Variants in KCNMA1 observed in about 807,000 individuals in gnomAD.
KCNMA1 encodes potassium calcium-activated channel subfamily M alpha 1.
A neutral mutation model predicts 140.0 loss-of-function variants in KCNMA1; 29 were observed. That is an observed-to-expected ratio of 0.21 (90% CI 0.15 to 0.28). The LOEUF (loss-of-function observed/expected upper bound fraction) is 0.28, where lower values mean the gene tolerates loss of function less well. KCNMA1 is among the 10% of genes least tolerant of loss of function. The pLI, the probability that KCNMA1 is intolerant of heterozygous loss-of-function variation, is 1.00. For missense variants in KCNMA1, 880 were observed against 1,602.2 expected (o/e 0.55, Z 7.70); for synonymous variants, 612 against 611.9 (o/e 1.00, Z 0.00).
chr10:77,235,413 G>T (rs747424894), intron 3 of KCNMA1, among the ~76,000 whole-genome samples: 1 of 152,204 alleles, frequency 6.6e-6, no homozygotes, highest in Middle Eastern at 3.4e-3. Context: ...AAGTTGTCAC[G>T]GGCACACAGA....
At chr10:77,304,040 T>C (rs1365252475) in intron 2 of KCNMA1, among the ~76,000 whole-genome samples, 1 of 152,184 alleles carries the variant, frequency 6.6e-6, no homozygotes. Context: ...CAAACATGGA[T>C]ACTGCAGGCC....
At chr10:77,086,994 G>T (rs1181538564) in intron 10 of KCNMA1, among the ~76,000 whole-genome samples, 1 of 152,212 alleles carries the variant, frequency 6.6e-6, no homozygotes, top group African/African-American at 2.4e-5. Context: ...AGAGTCTCTG[G>T]ATGAGAATGG....
At chr10:77,184,946 G>C in intron 3 of KCNMA1, 30 bp from the exon 4 acceptor site, 1 of 1,326,686 alleles carries the variant, frequency 7.5e-7, no homozygotes, top group Non-Finnish European at 1.1e-6. Flanking sequence ...AAAAGCAAGA[G>C]GTAAATGACA....
intron 2 of KCNMA1, among the ~76,000 whole-genome samples, chr10:77,345,277 AGTTGAGG>A (rs1210653978): frequency 6.6e-6 from 1 of 152,190 alleles, no homozygotes; most frequent in Non-Finnish European, 1.5e-5. Context: ...CACATTATTC[AGTTGAGG>A]GTAGTCCCAT....
intron 25 of KCNMA1, among the ~76,000 whole-genome samples, chr10:76,900,365 C>G (rs185925303): frequency 6.6e-6 from 1 of 151,994 alleles, no homozygotes; most frequent in African/African-American, 2.4e-5. Context: ...AAAAATAATG[C>G]ATACCTGAAC....
intron 1 of KCNMA1, among the ~76,000 whole-genome samples, chr10:77,533,613 C>T (rs548748441): frequency 6.6e-6 from 1 of 152,126 alleles, no homozygotes; most frequent in Non-Finnish European, 1.5e-5. Context: ...GCCCCTCCCC[C>T]ACCTCCATCA....
At chr10:77,063,727 T>C (rs1232982661) in intron 14 of KCNMA1, 1 of 985,168 alleles carries the variant, frequency 1.0e-6, no homozygotes, top group African/African-American at 1.7e-5. Flanking sequence ...TTTGCGATTT[T>C]CATGTAACAA....
At chr10:77,509,101 T>TG (rs2047368959) in intron 1 of KCNMA1, among the ~76,000 whole-genome samples, 6 of 119,034 alleles carry the variant, frequency 5.0e-5, no homozygotes, top group African/African-American at 1.8e-4. Context: ...TTTGTTGGGT[T>TG]TTGTTGTTGT....
At chr10:77,398,072 G>A (rs562208576) in intron 2 of KCNMA1, among the ~76,000 whole-genome samples, 1 of 151,156 alleles carries the variant, frequency 6.6e-6, no homozygotes, top group Non-Finnish European at 1.5e-5. Flanking sequence ...GTGTGTGTGT[G>A]TGTGTGTATT....
downstream of KCNMA1, chr10:76,873,383 C>T (rs2031752318): frequency 6.6e-6 from 1 of 152,122 alleles, no homozygotes; most frequent in Admixed American, 6.5e-5. Context: ...GCGTCATCAC[C>T]TCCTCAAATG....
intron 15 of KCNMA1, 67 bp from the exon 16 acceptor site, chr10:77,027,958 A>G: frequency 2.2e-6 from 3 of 1,351,902 alleles, no homozygotes; most frequent in East Asian, 2.3e-5. Context: ...AACACACACT[A>G]TTACGATCTT....
At chr10:77,104,045 C>T (rs1216601766) in intron 9 of KCNMA1, among the ~76,000 whole-genome samples, 1 of 152,186 alleles carries the variant, frequency 6.6e-6, no homozygotes, top group South Asian at 2.1e-4. Context: ...CAAACCCCAG[C>T]CCAACTCTTT....
chr10:77,584,077 G>A (rs1240000727), intron 1 of KCNMA1, among the ~76,000 whole-genome samples: 1 of 152,184 alleles, frequency 6.6e-6, no homozygotes, highest in African/African-American at 2.4e-5. Context: ...CTGATTTGGT[G>A]GCAATTTGTT....
At chr10:76,917,512 G>A (rs556282827) in intron 23 of KCNMA1, among the ~76,000 whole-genome samples, 1 of 152,232 alleles carries the variant, frequency 6.6e-6, no homozygotes, top group South Asian at 2.1e-4. Context: ...GAAATGACAT[G>A]CTTGCTTCAT....
chr10:77,081,168 T>C (rs2096556140), intron 12 of KCNMA1, among the ~76,000 whole-genome samples: 1 of 152,138 alleles, frequency 6.6e-6, no homozygotes, highest in South Asian at 2.1e-4. Flanking sequence ...TGGGTTCCAG[T>C]CACAGCTATT....
At chr10:77,300,890 C>T (rs1437444241) in intron 2 of KCNMA1, among the ~76,000 whole-genome samples, 1 of 152,214 alleles carries the variant, frequency 6.6e-6, no homozygotes, top group Non-Finnish European at 1.5e-5. Context: ...TGGTTCTGAG[C>T]CCGAGCTGCT....
chr10:77,597,351 C>G (rs2081239651), intron 1 of KCNMA1, among the ~76,000 whole-genome samples: 1 of 151,978 alleles, frequency 6.6e-6, no homozygotes, highest in Non-Finnish European at 1.5e-5. Context: ...TTCAAAGTAG[C>G]TAGAAGAGAA....
chr10:76,972,018 C>T (rs73284523), intron 19 of KCNMA1, among the ~76,000 whole-genome samples: 2,766 of 151,924 alleles, frequency 0.018, 40 homozygotes, highest in African/African-American at 0.035. Flanking sequence ...TTCGCACTTT[C>T]CCCATCTTAG....
At chr10:77,057,178 C>T (rs911312283) in intron 14 of KCNMA1, among the ~76,000 whole-genome samples, 10 of 152,070 alleles carry the variant, frequency 6.6e-5, no homozygotes, top group Non-Finnish European at 4.4e-5. Flanking sequence ...AGAAGGCAAT[C>T]GGAGAAAAAT....
Sources: allele counts gnomAD v4.1 joint callset (sites outside exome capture counted in the v4.1 genomes callset), GRCh38; gene constraint gnomAD v4.1.1; transcripts MANE v1.5; gene names NCBI Gene and HGNC (gene_info 2026-07-23, HGNC 2026-07-21).